The following AQR variants were observed in gnomAD, a reference collection of about 807,000 sequenced individuals.
AQR encodes RNA helicase aquarius.
In AQR, 61 loss-of-function variants were observed where a neutral mutation model predicts 180.5. That is an observed-to-expected ratio of 0.34 (90% CI 0.28 to 0.42). The LOEUF is 0.42. Ranked by LOEUF, AQR falls within the 10% of genes least tolerant of loss-of-function variation. AQR has a pLI of 1.00. For synonymous variants in AQR, 551 were observed against 588.8 expected, an observed-to-expected ratio of 0.94 and a Z score of 0.93; for missense variants, 1,281 against 1,798.3, an observed-to-expected ratio of 0.71 and a Z score of 5.20.
rs755526215 is a variant in AQR at position 34,857,116 on chromosome 15, A to G, written c.4144-10T>C. ...GTAGTTGTAATAAAGTCTAATTAAA[A>G]AAAAAAAAACAAAGACAATACCAAT... On this transcript the variant is annotated splice_polypyrimidine_tract_variant and intron_variant, in intron 34 of 34. Coordinates refer to ENST00000156471, the MANE Select transcript of AQR (RefSeq NM_014691.3). 1.3e-6 allele frequency: 2 copies of G among 1,539,270 alleles called. No individual in the cohort carries two copies. Among genetic ancestry groups the G allele is most frequent in the Non-Finnish European group, 1.7e-6 (2 of 1,149,364 alleles).
At chr15:34,964,084 A>G (rs1349207523) in intron 2 of AQR, 150 bp downstream of exon 2, 1 of 623,974 alleles carries the variant, frequency 1.6e-6, no homozygotes. Context: ...AACATAAATC[A>G]TTGCTAAGTT....
rs1893317947 is a variant in AQR at position 34,900,645 on chromosome 15, A to G, written c.2220T>C (p.Pro740=). The part of the protein sequence containing the change: ...GHNVKVTVED[P]ALQIPPFRIT... ...ACCTGAAAGGGGGTATTTGTAGAGC[A>G]GGGTCTTCTACAGTTACTTTAACAT... The change falls in exon 20 of 35, where the codon CCT becomes CCC. Residue 740 remains proline (P), a synonymous_variant. Coordinates refer to ENST00000156471, the MANE Select transcript of AQR (RefSeq NM_014691.3). 3.1e-6 allele frequency: 5 copies of G among 1,614,090 alleles called. No homozygotes were observed. Among genetic ancestry groups the G allele is most frequent in the Non-Finnish European group, 3.4e-6 (4 of 1,179,954 alleles).
At chr15:34,968,231 AAAAGGAAGG>A (rs1298965569) in intron 1 of AQR, among the ~76,000 whole-genome samples, 1 of 148,388 alleles carries the variant, frequency 6.7e-6, no homozygotes, top group Non-Finnish European at 1.5e-5. Flanking sequence ...TTGAAAGAAG[AAAAGGAAGG>A]AAAGGAAGGA....
intron 31 of AQR, chr15:34,869,465 T>G (rs377711378): frequency 6.6e-6 from 1 of 152,182 alleles, no homozygotes; most frequent in African/African-American, 2.4e-5. Context: ...TCTGACCATG[T>G]GGAGAACTGG....
intron 18 of AQR, among the ~76,000 whole-genome samples, chr15:34,904,794 G>A (rs150248817): frequency 2.6e-4 from 39 of 152,112 alleles, no homozygotes; most frequent in African/African-American, 8.9e-4. Context: ...TAAAATAGGA[G>A]TACTTAGAAG....
At chr15:34,937,359 A>C (rs1893959756) in intron 9 of AQR, among the ~76,000 whole-genome samples, 1 of 152,198 alleles carries the variant, frequency 6.6e-6, no homozygotes, top group African/African-American at 2.4e-5. Context: ...TAGTAGTAGT[A>C]CTGTGCCCTA....
At chr15:34,918,868 C>G (rs981721882) in intron 14 of AQR, among the ~76,000 whole-genome samples, 9 of 152,226 alleles carry the variant, frequency 5.9e-5, no homozygotes, top group Non-Finnish European at 1.3e-4. Flanking sequence ...ATCTATCACC[C>G]TAGTCTTCTC....
intron 17 of AQR, among the ~76,000 whole-genome samples, chr15:34,909,612 C>A (rs1271678512): frequency 3.9e-5 from 6 of 152,172 alleles, no homozygotes; most frequent in African/African-American, 1.4e-4. Context: ...TGCCCACCCC[C>A]ACATATTCTT....
chr15:34,889,954 C>A (rs891661824), intron 24 of AQR, among the ~76,000 whole-genome samples: 27 of 152,076 alleles, frequency 1.8e-4, no homozygotes, highest in Non-Finnish European at 8.8e-5. Flanking sequence ...AAGCAAAAGG[C>A]AATCTGTTAA....
chr15:34,956,417 G>A (rs566869179), intron 3 of AQR, among the ~76,000 whole-genome samples: 4 of 152,064 alleles, frequency 2.6e-5, no homozygotes, highest in Non-Finnish European at 4.4e-5. Flanking sequence ...TTGGGAGGCC[G>A]AGGTGGGCGG....
chr15:34,962,495 G>A (rs1054351219), intron 2 of AQR, among the ~76,000 whole-genome samples: 2 of 152,140 alleles, frequency 1.3e-5, no homozygotes, highest in Non-Finnish European at 2.9e-5. Flanking sequence ...TTGGCCGGGT[G>A]TGGTGGCTCA....
At chr15:34,878,521 AATG>A (rs776941116) in intron 27 of AQR, among the ~76,000 whole-genome samples, 3 of 152,142 alleles carry the variant, frequency 2.0e-5, no homozygotes, top group African/African-American at 4.8e-5. Flanking sequence ...ACGCTCAACA[AATG>A]ATGATTATTA....
chr15:34,950,770 GAGT>G (rs1894217435), intron 4 of AQR, among the ~76,000 whole-genome samples: 1 of 152,010 alleles, frequency 6.6e-6, no homozygotes. Context: ...TGTAATTTGG[GAGT>G]ATAAACTCAC....
At position 34,873,659 on chromosome 15, in the gene AQR, T is replaced by A. The variant is rs543350859; in HGVS notation, c.3597+169A>T. On this transcript the variant is annotated intron_variant, in intron 30 of 34. Transcript: ENST00000156471. ...GTAGTTTCTAGTTTGTTTAGTTTCT[T>A]TAGTGCATGTATTTTTAATCAATCT... Among the ~76,000 whole-genome samples the A allele has an allele frequency of 5.3e-5, 8 of 152,308 alleles. No homozygotes were observed. In the South Asian group the frequency reaches 1.7e-3, roughly 32 times the overall value.
At chr15:34,864,278 G>A (rs1470648555) in intron 32 of AQR, among the ~76,000 whole-genome samples, 3 of 152,062 alleles carry the variant, frequency 2.0e-5, no homozygotes, top group South Asian at 2.1e-4. Context: ...CTACGTGTAT[G>A]TGTGTGAAGG....
At chr15:34,861,058 T>C (rs1489496739) in intron 33 of AQR, among the ~76,000 whole-genome samples, 1 of 152,202 alleles carries the variant, frequency 6.6e-6, no homozygotes, top group Non-Finnish European at 1.5e-5. Flanking sequence ...AAAATGCTTA[T>C]AAAGTCTTAT....
chr15:34,954,292 A>G (rs1894276056), intron 3 of AQR, among the ~76,000 whole-genome samples: 2 of 152,034 alleles, frequency 1.3e-5, no homozygotes, highest in African/African-American at 4.8e-5. Flanking sequence ...TATGATAACT[A>G]GACAAGTGAA....
At chr15:34,938,690 C>A in intron 9 of AQR, 47 bp downstream of exon 9, 1 of 1,179,710 alleles carries the variant, frequency 8.5e-7, no homozygotes, top group Non-Finnish European at 1.3e-6. Context: ...ACCATAGGGG[C>A]AGCTATATGA....
At chr15:34,946,785 G>C (rs980053690) in intron 5 of AQR, among the ~76,000 whole-genome samples, 1 of 149,392 alleles carries the variant, frequency 6.7e-6, no homozygotes, top group Non-Finnish European at 1.5e-5. Context: ...CGCCCGGCCA[G>C]CTGCCCCGTC....
Sources: allele counts gnomAD v4.1 joint callset (sites outside exome capture counted in the v4.1 genomes callset), GRCh38; gene constraint gnomAD v4.1.1; transcripts MANE v1.5; gene names NCBI Gene and HGNC (gene_info 2026-07-23, HGNC 2026-07-21).